TRIM72: variants seen among roughly 807,000 people sequenced by gnomAD.
TRIM72 encodes tripartite motif-containing protein 72.
In TRIM72, 33 loss-of-function variants were observed where a neutral mutation model predicts 31.6. That is an observed-to-expected ratio of 1.04 (90% CI 0.79 to 1.40). TRIM72 has a LOEUF of 1.40. Among genes scored for constraint, TRIM72 ranks in the 40% most tolerant of loss-of-function variants. The probability of loss-of-function intolerance (pLI) is 0.00; values close to 1 mark genes in which losing one functional copy is unlikely to be tolerated. For missense variants in TRIM72, 666 were observed against 682.7 expected (o/e 0.98, Z 0.27); for synonymous variants, 301 against 314.4 (o/e 0.96, Z 0.45).
chr16:31,223,156 G>A (rs1313900603), intron 6 of TRIM72, among the ~76,000 whole-genome samples: 2 of 152,220 alleles, frequency 1.3e-5, no homozygotes, highest in Non-Finnish European at 2.9e-5. Context: ...TGACTGACAT[G>A]AAAATGCTGC....
chr16:31,215,608 T>G lies in TRIM72; in HGVS notation c.390+480T>G, dbSNP rs2079504675. On this transcript the variant is annotated intron_variant, in intron 2 of 6. Transcript: ENST00000322122. This position sits in a 1 kb window ranked among gnomAD's most constrained non-coding sequence, Gnocchi z 6.3. ...CGGCCGGGGCAGGGTTGTCCCCTTG[T>G]GCTCAGCGGAGGCCCACGCACCCCT... Among the ~76,000 whole-genome samples the G allele has an allele frequency of 6.6e-6, 1 of 151,750 alleles. No homozygotes were observed. The highest frequency in any genetic ancestry group is 2.0e-4 in the East Asian group (1 of 5,116).
intron 6 of TRIM72, 65 bp from the exon 7 acceptor site, chr16:31,224,116 T>A: frequency 6.5e-7 from 1 of 1,538,162 alleles, no homozygotes; most frequent in South Asian, 1.2e-5. Context: ...TGGCCTGCAA[T>A]TGGTTGGGAG....
rs1685431886 is a variant in TRIM72 at position 31,214,830 on chromosome 16, A to G, written c.92A>G (p.His31Arg). 1 of 1,559,378 alleles carries G rather than the reference A, an allele frequency of 6.4e-7. No homozygotes were observed. Among genetic ancestry groups the G allele is most frequent in the Non-Finnish European group, 8.6e-7 (1 of 1,162,490 alleles). The change falls in exon 2 of 7, where the codon CAC (histidine) becomes CGC (arginine). Residue 31 changes from histidine (H) to arginine (R), a missense_variant. Coordinates refer to ENST00000322122, the MANE Select transcript of TRIM72 (RefSeq NM_001008274.4). ...GCGCCCGTGACAGCCGAGTGCGGCCACAGTTTCTGCCGCGCCTGCCTAGGC... is the reference window on the plus strand; with the variant it reads ...GCGCCCGTGACAGCCGAGTGCGGCCGCAGTTTCTGCCGCGCCTGCCTAGGC... ...FDAPVTAECG[H>R]SFCRACLGRV...
Position 31,224,235 on chromosome 16 carries a change from C to T in TRIM72, c.914C>T (p.Ser305Phe). Residue 305 changes from serine (S) to phenylalanine (F), a missense_variant, in exon 7 of 7, where the codon TCT (serine) becomes TTT (phenylalanine). Physicochemically the swap from Ser to Phe is radical, Grantham distance 155. Transcript: ENST00000322122. ...PSSAHPSLVV[S>F]SSGRRVECSE... The stretch of plus-strand genomic sequence containing the variant: ...TCTGCGCACCCGAGCCTGGTGGTGT[C>T]TTCCTCTGGCCGCCGCGTGGAGTGC... 2 of 1,604,934 alleles carry T rather than the reference C, an allele frequency of 1.2e-6. No homozygotes were observed. Among genetic ancestry groups the T allele is most frequent in the Non-Finnish European group, 1.7e-6 (2 of 1,179,872 alleles).
At chr16:31,217,096 G>C in intron 2 of TRIM72, 1 of 1,492,000 alleles carries the variant, frequency 6.7e-7, no homozygotes. Flanking sequence ...CCTGCAGCAG[G>C]TGGAGCTGCC....
chr16:31,223,771 G>T (rs1257807424), intron 6 of TRIM72, among the ~76,000 whole-genome samples: 1 of 152,062 alleles, frequency 6.6e-6, no homozygotes, highest in Non-Finnish European at 1.5e-5. Context: ...GCCAGGTGTG[G>T]TGGCACGTGG....
At position 31,222,809 on chromosome 16, in the gene TRIM72, T is replaced by TTC; in HGVS notation, c.741-18_741-17insTC. On this transcript the variant is annotated splice_polypyrimidine_tract_variant and intron_variant, in intron 5 of 6. Transcript: ENST00000322122. ...CTCCCCCCTCACACATGCCTCCCCT[T>TTC]CCCCTCCCCACCCCCAGGCTGCAGA... is the stretch of plus-strand genomic sequence containing the variant. The TTC allele has an allele frequency of 1.6e-5, 8 of 505,028 alleles. No homozygotes were observed. The highest frequency in any genetic ancestry group is 8.8e-5 in the South Asian group (4 of 45,658). The allele number at this position is 505,028 out of a possible 1,614,324, so 31.3% of individuals were successfully genotyped here.
At position 31,215,160 on chromosome 16, in the gene TRIM72, G is replaced by A. The variant is rs2079501865; in HGVS notation, c.390+32G>A. ...GATCCGCGCGCATCGTGGTCGGAGG[G>A]GCTGTTCGGTGGCACGGGGCCGATG... On this transcript the variant is annotated intron_variant, in intron 2 of 6. Transcript: ENST00000322122. This position sits in a 1 kb window ranked among gnomAD's most constrained non-coding sequence, Gnocchi z 6.3. The A allele has an allele frequency of 2.1e-6, 3 of 1,429,272 alleles. No individual in the cohort carries two copies. Among genetic ancestry groups the A allele is most frequent in the Non-Finnish European group, 2.7e-6 (3 of 1,100,390 alleles). The allele number at this position is 1,429,272 out of a possible 1,614,324, so 88.5% of individuals were successfully genotyped here. A position where few individuals can be genotyped will look rare whatever the true frequency, so the allele number is the denominator to read the frequency against.
Position 31,224,138 on chromosome 16 carries a change from G to A in TRIM72, c.860-43G>A, listed in dbSNP as rs747352531. On this transcript the variant is annotated intron_variant, in intron 6 of 6. Coordinates refer to ENST00000322122, the MANE Select transcript of TRIM72 (RefSeq NM_001008274.4). ...CAATTGGTTGGGAGAAGACCCCAGC[G>A]AGGCAGAAACCTAGGGTTTTCTGAC... The A allele has an allele frequency of 8.2e-6, 13 of 1,583,658 alleles. No individual in the cohort carries two copies. In the South Asian group the frequency reaches 1.4e-4, roughly 17 times the overall value.
rs772558048 is a variant in TRIM72, at chr16:31,219,255, CTT to C, written c.487-32_487-31del. The C allele has an allele frequency of 3.0e-5, 48 of 1,614,136 alleles. No homozygotes were observed. The highest frequency in any genetic ancestry group is 4.1e-5 in the Non-Finnish European group (48 of 1,179,976). On this transcript the variant is annotated intron_variant, in intron 3 of 6. Coordinates refer to ENST00000322122, the MANE Select transcript of TRIM72 (RefSeq NM_001008274.4). This position sits in a 1 kb window ranked among gnomAD's most constrained non-coding sequence, Gnocchi z 4.2. ...AGGCTAGGGGTCTCCAGCCAAGAGT[CTT>C]TATCCCTTCAATCACTGCCCCATCC...
At chr16:31,220,578 C>A (rs1340639529) in intron 4 of TRIM72, among the ~76,000 whole-genome samples, 1 of 128,876 alleles carries the variant, frequency 7.8e-6, no homozygotes. Flanking sequence ...AAGTGATTTT[C>A]GTGGCTCAGC....
In TRIM72 at chr16:31,216,767, C is replaced by A. The variant is rs1348934075; in HGVS notation, c.390+1639C>A. The A allele has an allele frequency of 6.2e-6, 10 of 1,600,552 alleles. No homozygotes were observed. The highest frequency in any genetic ancestry group is 8.5e-6 in the Non-Finnish European group (10 of 1,170,464). On this transcript the variant is annotated intron_variant, in intron 2 of 6. Coordinates refer to ENST00000322122, the MANE Select transcript of TRIM72 (RefSeq NM_001008274.4). This position sits in a 1 kb window ranked among gnomAD's most constrained non-coding sequence, Gnocchi z 6.7. The stretch of plus-strand genomic sequence containing the variant: ...CCAGCTCAGAGTGGCCCTCACGCAG[C>A]CCGCTGCAGCCGTGCGGCCTCCTCC...
Position 31,214,933 on chromosome 16 carries a change from C to G in TRIM72, c.195C>G (p.Leu65=). Residue 65 remains leucine (L), a synonymous_variant, in exon 2 of 7, where the codon CTC becomes CTG. Transcript: ENST00000322122. ...CCQAPTRPQA[L]STNLQLARLV... ...AGGCCCCCACGCGGCCGCAGGCACT[C>G]AGCACCAACCTGCAGCTGGCGCGCC... is the stretch of plus-strand genomic sequence containing the variant. 1 of 1,498,536 alleles carries G rather than the reference C, an allele frequency of 6.7e-7. No individual in the cohort carries two copies. The highest frequency in any genetic ancestry group is 1.3e-5 in the South Asian group (1 of 79,616). The allele number at this position is 1,498,536 out of a possible 1,614,324, so 92.8% of individuals were successfully genotyped here.
Position 31,216,918 on chromosome 16 carries a change from C to T in TRIM72, c.390+1790C>T, listed in dbSNP as rs747659143. 6.2e-7 allele frequency: 1 copy of T among 1,614,136 alleles called. No homozygotes were observed. The highest frequency in any genetic ancestry group is 8.5e-7 in the Non-Finnish European group (1 of 1,180,044). On this transcript the variant is annotated intron_variant, in intron 2 of 6. Transcript: ENST00000322122. The surrounding 1 kb of genome is among the most constrained non-coding windows in gnomAD (Gnocchi z 6.7). ...GCCCGAGCGCGCCCCGCGGGATGCG[C>T]TCAAAGCCCTCGCGCAGCGGCACCG...
chr16:31,218,211 A>T (rs1271293747), intron 2 of TRIM72, among the ~76,000 whole-genome samples: 1 of 152,022 alleles, frequency 6.6e-6, no homozygotes, highest in East Asian at 1.9e-4. Flanking sequence ...TGCTGAGCAG[A>T]GGGGATCAGG....
chr16:31,221,749 GT>G (rs1260640139), intron 5 of TRIM72, among the ~76,000 whole-genome samples: 1 of 146,594 alleles, frequency 6.8e-6, no homozygotes, highest in Non-Finnish European at 1.5e-5. Context: ...GAAGCGCACT[GT>G]GGGGAGAAGG....
rs1482310782 is a variant in TRIM72 at position 31,230,417 on chromosome 16, C to G, written c.*5662C>G. 6.6e-6 allele frequency: 1 copy of G among 152,304 alleles called. No homozygotes were observed. Among genetic ancestry groups the G allele is most frequent in the African/African-American group, 2.4e-5 (1 of 41,408 alleles). The allele number at this position is 152,304 out of a possible 1,614,324, so 9.4% of individuals were successfully genotyped here. A position where few individuals can be genotyped will look rare whatever the true frequency, so the allele number is the denominator to read the frequency against. On this transcript the variant is annotated 3_prime_UTR_variant, in exon 7 of 7. Coordinates refer to ENST00000322122, the MANE Select transcript of TRIM72 (RefSeq NM_001008274.4). ...TTCCCCCTGCACAGATCTCCCCCTG[C>G]CCCACAAAATGCTTAAAAGGTAACC...
Position 31,220,235 on chromosome 16 carries a change from C to T in TRIM72, c.718-661C>T, listed in dbSNP as rs1388415530. Among the ~76,000 whole-genome samples the T allele has an allele frequency of 4.6e-5, 7 of 151,194 alleles. No individual in the cohort carries two copies. The Admixed American group carries it at 4.6e-4, about 10-fold the overall frequency. ...GTATTTTTAGTAGAGATGGGGGTCT[C>T]ATTATGTTGCCCAGACTGGTCTCAA... On this transcript the variant is annotated intron_variant, in intron 4 of 6. Transcript: ENST00000322122.
chr16:31,221,067 AAATGATCTGG>A, intron 5 of TRIM72, 149 bp downstream of exon 5: 1 of 1,057,792 alleles, frequency 9.5e-7, no homozygotes, highest in Non-Finnish European at 1.4e-6. Context: ...TTGTAGACAG[AAATGATCTGG>A]AAGGATCCTT....
Sources: gnomAD v4.1 joint callset for allele counts (sites outside exome capture counted in the v4.1 genomes callset) on GRCh38, gnomAD v4.1.1 for gene constraint, Gnocchi (gnomAD v3.1) non-coding constraint, MANE v1.5 for transcripts, NCBI Gene and HGNC (gene_info 2026-07-23, HGNC 2026-07-21) for gene names.